GRIN2A: variants seen among roughly 807,000 people sequenced by gnomAD.
The protein encoded by GRIN2A is glutamate receptor ionotropic, NMDA 2A.
GRIN2A carries 22 observed loss-of-function variants against 113.4 expected under a neutral mutation model. That is an observed-to-expected ratio of 0.19 (90% CI 0.14 to 0.28). The LOEUF is 0.28. Ranked by LOEUF, GRIN2A falls within the 10% of genes least tolerant of loss-of-function variation. The probability of loss-of-function intolerance (pLI) is 1.00; values close to 1 mark genes in which losing one functional copy is unlikely to be tolerated. For missense variants in GRIN2A, 1,502 were observed against 1,887.0 expected (o/e 0.80, Z 3.78); for synonymous variants, 827 against 738.4 (o/e 1.12, Z -1.94).
chr16:9,860,719 G>T (rs767304431), intron 4 of GRIN2A, among the ~76,000 whole-genome samples: 2 of 152,124 alleles, frequency 1.3e-5, no homozygotes, highest in African/African-American at 2.4e-5. Context: ...AGGCCATGAT[G>T]GTCAGGCTGG....
At chr16:9,982,519 G>C (rs2045910404) in intron 2 of GRIN2A, among the ~76,000 whole-genome samples, 2 of 152,168 alleles carry the variant, frequency 1.3e-5, no homozygotes, top group South Asian at 4.1e-4. Flanking sequence ...TACAAGAAGG[G>C]CAGAATACAG....
At chr16:10,077,953 G>C (rs547037512) in intron 2 of GRIN2A, among the ~76,000 whole-genome samples, 31 of 152,226 alleles carry the variant, frequency 2.0e-4, no homozygotes, top group Non-Finnish European at 4.1e-4. Context: ...AGACAGCTCT[G>C]CTTTTAGCCA....
chr16:10,092,405 A>T (rs1028406766), intron 2 of GRIN2A, among the ~76,000 whole-genome samples: 2 of 152,162 alleles, frequency 1.3e-5, no homozygotes, highest in African/African-American at 4.8e-5. Context: ...AATACAGGGG[A>T]CAGCATCACC....
chr16:9,766,206 G>A (rs1041284179), intron 12 of GRIN2A, among the ~76,000 whole-genome samples: 1 of 152,216 alleles, frequency 6.6e-6, no homozygotes, highest in Non-Finnish European at 1.5e-5. Flanking sequence ...AGAATTGGCA[G>A]TGGCTGCTGA....
intron 2 of GRIN2A, among the ~76,000 whole-genome samples, chr16:9,969,872 C>T (rs1348496338): frequency 2.0e-5 from 3 of 152,210 alleles, no homozygotes; most frequent in Non-Finnish European, 4.4e-5. Context: ...AACAACTCTG[C>T]CTTAAAGCCT....
At chr16:10,068,043 T>G (rs187984458) in intron 2 of GRIN2A, among the ~76,000 whole-genome samples, 9 of 152,198 alleles carry the variant, frequency 5.9e-5, no homozygotes, top group African/African-American at 1.9e-4. Context: ...GTGGGATAGA[T>G]GAGATGAGAT....
At chr16:9,804,020 CCA>C in intron 10 of GRIN2A, among the ~76,000 whole-genome samples, 2 of 152,298 alleles carry the variant, frequency 1.3e-5, no homozygotes, top group Middle Eastern at 6.8e-3. Context: ...TTCCCAACAG[CCA>C]CAGAGTCATC....
intron 11 of GRIN2A, among the ~76,000 whole-genome samples, chr16:9,784,066 C>A (rs991034341): frequency 6.6e-6 from 1 of 152,068 alleles, no homozygotes; most frequent in African/African-American, 2.4e-5. Flanking sequence ...CAACAAACCC[C>A]CATGACACAA....
intron 2 of GRIN2A, among the ~76,000 whole-genome samples, chr16:10,065,031 A>T (rs760917892): frequency 2.6e-5 from 4 of 152,232 alleles, no homozygotes; most frequent in Non-Finnish European, 2.9e-5. Flanking sequence ...AGTCAGGACC[A>T]TGCAAAAAAT....
intron 2 of GRIN2A, among the ~76,000 whole-genome samples, chr16:10,159,788 A>T (rs1185612611): frequency 6.6e-6 from 1 of 152,220 alleles, no homozygotes; most frequent in Non-Finnish European, 1.5e-5. Flanking sequence ...TGAAAGCTCA[A>T]ATTCCATCCC....
In GRIN2A at chr16:9,849,886, C is replaced by G; in HGVS notation, c.1198G>C (p.Glu400Gln). Residue 400 changes from glutamate (E) to glutamine (Q), a missense_variant, in exon 5 of 13, where the codon GAG (glutamate) becomes CAG (glutamine). Around this residue, in one of 7 missense-constraint regions of GRIN2A, gnomAD observed 334 missense variants for 403.0 expected, o/e 0.83. Transcript: ENST00000330684. ...WPRYKSFSDC[E>Q]PDDNHLSIVT... ...ATGCTGAGATGGTTGTCATCCGGCT[C>G]ACAGTCGGAGAAGGACTTGTACCTG... 1 of 1,613,896 alleles carries G rather than the reference C, an allele frequency of 6.2e-7. No homozygotes were observed. Among genetic ancestry groups the G allele is most frequent in the South Asian group, 1.1e-5 (1 of 91,076 alleles).
intron 2 of GRIN2A, among the ~76,000 whole-genome samples, chr16:10,132,516 T>A (rs2142222983): frequency 6.6e-6 from 1 of 152,276 alleles, no homozygotes; most frequent in Non-Finnish European, 1.5e-5. Flanking sequence ...TTGAGCTATG[T>A]CGTGATGGCT....
chr16:9,859,677 T>G (rs1254250557), intron 4 of GRIN2A, among the ~76,000 whole-genome samples: 2 of 151,054 alleles, frequency 1.3e-5, no homozygotes, highest in African/African-American at 4.9e-5. Flanking sequence ...ATGCATACAC[T>G]TTTCACAAAA....
intron 2 of GRIN2A, among the ~76,000 whole-genome samples, chr16:10,069,128 C>T (rs2047704777): frequency 6.6e-6 from 1 of 152,000 alleles, no homozygotes; most frequent in Non-Finnish European, 1.5e-5. Flanking sequence ...ATCCAATTTA[C>T]CCTGGCTGCA....
intron 2 of GRIN2A, among the ~76,000 whole-genome samples, chr16:10,086,188 G>C (rs532807836): frequency 6.6e-6 from 1 of 152,082 alleles, no homozygotes; most frequent in Non-Finnish European, 1.5e-5. Context: ...CCTTCCCATG[G>C]AGACTCACAG....
chr16:9,946,550 T>C (rs2045021945), intron 2 of GRIN2A, among the ~76,000 whole-genome samples: 1 of 152,226 alleles, frequency 6.6e-6, no homozygotes, highest in Non-Finnish European at 1.5e-5. Flanking sequence ...TTTTTTATTC[T>C]GACCACTGAG....
At chr16:9,907,353 G>A (rs1393911569) in intron 3 of GRIN2A, among the ~76,000 whole-genome samples, 2 of 152,178 alleles carry the variant, frequency 1.3e-5, no homozygotes, top group African/African-American at 2.4e-5. Flanking sequence ...ACTGATTGAC[G>A]GAAGTGACCC....
At chr16:9,887,485 TATAA>T (rs2043607729) in intron 4 of GRIN2A, among the ~76,000 whole-genome samples, 1 of 152,208 alleles carries the variant, frequency 6.6e-6, no homozygotes, top group Non-Finnish European at 1.5e-5. Context: ...TTTGATTCCA[TATAA>T]TGTTTTTCAA....
intron 9 of GRIN2A, among the ~76,000 whole-genome samples, chr16:9,824,360 C>G (rs1223420141): frequency 6.6e-6 from 1 of 152,178 alleles, no homozygotes; most frequent in Non-Finnish European, 1.5e-5. Context: ...GCCGCCTGCT[C>G]GGGAGGAGAG....
Sources: allele counts gnomAD v4.1 joint callset (sites outside exome capture counted in the v4.1 genomes callset), GRCh38; gene constraint gnomAD v4.1.1; regional missense constraint gnomAD v4.1.1; transcripts MANE v1.5; gene names NCBI Gene and HGNC (gene_info 2026-07-23, HGNC 2026-07-21).